Variants in CDC27 observed in about 807,000 individuals in gnomAD.
The protein encoded by CDC27 is cell division cycle protein 27 homolog.
A neutral mutation model predicts 109.7 loss-of-function variants in CDC27; 27 were observed. The ratio of observed to expected loss-of-function variants is 0.25; its 90% CI spans 0.18 to 0.34. The LOEUF is 0.34. Ranked by LOEUF, CDC27 falls within the 10% of genes least tolerant of loss-of-function variation. The pLI is 1.00. For synonymous variants in CDC27, 266 were observed against 333.9 expected (o/e 0.80, Z 2.22); for missense variants, 579 against 960.2 (o/e 0.60, Z 5.25).
At chr17:47,126,952 C>T (rs919136057) in intron 16 of CDC27, among the ~76,000 whole-genome samples, 1 of 152,074 alleles carries the variant, frequency 6.6e-6, no homozygotes, top group Admixed American at 6.6e-5. Flanking sequence ...CACCACCAGG[C>T]CCAGCTAATT....
At chr17:47,176,483 A>C (rs2064010605) in intron 2 of CDC27, among the ~76,000 whole-genome samples, 1 of 152,220 alleles carries the variant, frequency 6.6e-6, no homozygotes, top group Admixed American at 6.5e-5. Flanking sequence ...AACCACGCTT[A>C]GAGTAAAAAG....
chr17:47,134,785 CTTTTTTTTT>C (rs376654308), intron 14 of CDC27, among the ~76,000 whole-genome samples: 3 of 125,010 alleles, frequency 2.4e-5, no homozygotes, highest in African/African-American at 6.0e-5. Context: ...TAATTGTTTT[CTTTTTTTTT>C]TTTTTTTTTT....
At position 47,118,996 on chromosome 17, in the gene CDC27, C is replaced by T. The variant is rs2061931003; in HGVS notation, c.*1939G>A. On this transcript the variant is annotated 3_prime_UTR_variant, in exon 19 of 19. Transcript: ENST00000066544. The stretch of plus-strand genomic sequence containing the variant: ...CTACAAAAAGATAATTATACTTCAG[C>T]AAGTTATGTTCTAAGCTTAGCTTTC... The T allele has an allele frequency of 6.6e-6, 1 of 152,166 alleles. No individual in the cohort carries two copies. The highest frequency in any genetic ancestry group is 2.4e-5 in the African/African-American group (1 of 41,450). The allele number at this position is 152,166 out of a possible 1,614,324, so 9.4% of individuals were successfully genotyped here.
chr17:47,153,758 A>T (rs1172863158), intron 8 of CDC27, among the ~76,000 whole-genome samples: 1 of 152,082 alleles, frequency 6.6e-6, no homozygotes, highest in Non-Finnish European at 1.5e-5. Flanking sequence ...TTTGGCCTCT[A>T]TTTCCATATA....
Position 47,157,238 on chromosome 17 carries a change from C to T in CDC27, c.622G>A (p.Asp208Asn). ...PETVLTETPQDTIELNRLNLE... is the reference protein window; with the variant it reads ...PETVLTETPQNTIELNRLNLE... ...GAATATAAGACACTTACAATTGTGT[C>T]CTGGGGTGTTTCCGTAAGAACTGTC... The change falls in exon 6 of 19, where the codon GAC (aspartate) becomes AAC (asparagine). Residue 208 changes from aspartate to asparagine, a missense_variant. Physicochemically the swap from Asp to Asn is conservative, Grantham distance 23. Transcript: ENST00000066544. 6.2e-7 allele frequency: 1 copy of T among 1,610,462 alleles called. No individual in the cohort carries two copies. The highest frequency in any genetic ancestry group is 1.7e-5 in the Admixed American group (1 of 59,576).
intron 4 of CDC27, among the ~76,000 whole-genome samples, chr17:47,162,503 C>T (rs2063526446): frequency 6.6e-6 from 1 of 152,114 alleles, no homozygotes; most frequent in Non-Finnish European, 1.5e-5. Context: ...TAGCCCCGTC[C>T]CCTTGCTTTG....
Position 47,120,698 on chromosome 17 carries a change from C to T in CDC27, c.*237G>A. ...GAAAAACAGAAAAGAAAGTTCCCCA[C>T]CCTACCCCCCATAAATTGTCATTCA... is the stretch of plus-strand genomic sequence containing the variant. On this transcript the variant is annotated 3_prime_UTR_variant, in exon 19 of 19. Transcript: ENST00000066544. The T allele has an allele frequency of 4.9e-6, 2 of 404,068 alleles. No individual in the cohort carries two copies. Among genetic ancestry groups the T allele is most frequent in the Non-Finnish European group, 8.9e-6 (2 of 225,668 alleles). 25.0% of individuals were successfully genotyped at this position (404,068 alleles called of 1,614,324 possible).
chr17:47,130,384 A>G (rs1020876475), intron 15 of CDC27, among the ~76,000 whole-genome samples: 3 of 152,120 alleles, frequency 2.0e-5, no homozygotes, highest in Non-Finnish European at 4.4e-5. Context: ...AAAATAAAAA[A>G]AGAGAAAAAA....
At chr17:47,177,852 G>A (rs910981638) in intron 2 of CDC27, among the ~76,000 whole-genome samples, 1 of 136,632 alleles carries the variant, frequency 7.3e-6, no homozygotes, top group Admixed American at 7.4e-5. Flanking sequence ...TTTTATATGT[G>A]TGTGTACACA....
At chr17:47,122,408 T>C in intron 18 of CDC27, 36 bp downstream of exon 18, 1 of 1,424,186 alleles carries the variant, frequency 7.0e-7, no homozygotes, top group East Asian at 2.4e-5. Context: ...AAAAGGTAAC[T>C]TTCTAAATAC....
At chr17:47,132,465 G>C (rs1568372453) in intron 14 of CDC27, 91 bp from the exon 15 acceptor site, 1 of 537,034 alleles carries the variant, frequency 1.9e-6, no homozygotes, top group Non-Finnish European at 3.1e-6. Context: ...ATAGAATCTG[G>C]CATTTTAATA....
rs1325793175 is a variant in CDC27 at position 47,142,445 on chromosome 17, G to A, written c.1171-9C>T. 1 of 1,306,104 alleles carries A rather than the reference G, an allele frequency of 7.7e-7. No individual in the cohort carries two copies. Among genetic ancestry groups the A allele is most frequent in the Non-Finnish European group, 1.1e-6 (1 of 930,956 alleles). 80.9% of individuals were successfully genotyped at this position (1,306,104 alleles called of 1,614,324 possible). On this transcript the variant is annotated splice_polypyrimidine_tract_variant and intron_variant, in intron 10 of 18. Transcript: ENST00000066544. ...AATTTTTTGCTATTCTCCTGTAAAA[G>A]GGAAGAAATTTCACACCTGTTATAC...
chr17:47,123,934 CA>C lies in CDC27; in HGVS notation c.2186del (p.Leu729Ter). 1 of 1,602,732 alleles carries C rather than the reference CA, an allele frequency of 6.2e-7. No individual in the cohort carries two copies. Among genetic ancestry groups the C allele is most frequent in the Non-Finnish European group, 8.5e-7 (1 of 1,176,860 alleles). On this transcript the variant is annotated frameshift_variant, in exon 17 of 19. Coordinates refer to ENST00000066544, the MANE Select transcript of CDC27 (RefSeq NM_001256.6). LOFTEE classifies it high-confidence loss of function. Reference sequence around the variant, plus strand: ...GGGATTCTTTGGGAACAATTTGTTTCAATTCTTCAAGTTCTTGTAAAGCAGA... The same window carrying C: ...GGGATTCTTTGGGAACAATTTGTTTCATTCTTCAAGTTCTTGTAAAGCAGA... ...YKSALQELEELKQIVPKESLV... is the reference protein window; with the variant it reads ...YKSALQELEEXKQIVPKESLV...
At chr17:47,159,775 G>C in intron 4 of CDC27, 3 of 427,988 alleles carry the variant, frequency 7.0e-6, no homozygotes, top group South Asian at 5.5e-5. Flanking sequence ...GCTTGAGAGA[G>C]GCCCCCAGGA....
chr17:47,172,128 T>C (rs1002359254), intron 2 of CDC27, 64 bp from the exon 3 acceptor site: 1 of 1,111,926 alleles, frequency 9.0e-7, no homozygotes, highest in Non-Finnish European at 1.2e-6. Context: ...CAGTTTATCA[T>C]GCAATAAACA....
At chr17:47,154,623 A>C (rs773764699) in intron 8 of CDC27, 49 bp downstream of exon 8, 1 of 947,500 alleles carries the variant, frequency 1.1e-6, no homozygotes, top group South Asian at 1.5e-5. Context: ...GATTGAAATA[A>C]ACAAGTTGCT....
chr17:47,142,021 A>T lies in CDC27; in HGVS notation c.1383T>A (p.Gly461=). ...CCATTTCACGAAGAAGGCTCATCAAACCTTCTAGGAGAAAACAACATAGTA... is the reference window on the plus strand; with the variant it reads ...CCATTTCACGAAGAAGGCTCATCAATCCTTCTAGGAGAAAACAACATAGTA... ...AFNLQKAAAE[G]LMSLLREMGK... is the part of the protein sequence containing the mutation. The change falls in exon 12 of 19, where the codon GGT becomes GGA. Residue 461 remains glycine (G), a synonymous_variant. Coordinates refer to ENST00000066544, the MANE Select transcript of CDC27 (RefSeq NM_001256.6). 1 of 1,585,424 alleles carries T rather than the reference A, an allele frequency of 6.3e-7. No homozygotes were observed. The highest frequency in any genetic ancestry group is 1.7e-4 in the Middle Eastern group (1 of 5,968).
chr17:47,183,128 T>C (rs981639856), intron 1 of CDC27, among the ~76,000 whole-genome samples: 2 of 152,252 alleles, frequency 1.3e-5, no homozygotes, highest in East Asian at 1.9e-4. Flanking sequence ...TCAAATCATT[T>C]TTAGTAATAA....
rs562997210 is a variant in CDC27, at chr17:47,120,804, G to A, written c.*131C>T. On this transcript the variant is annotated 3_prime_UTR_variant, in exon 19 of 19. Transcript: ENST00000066544. ...TGTATACAGTCAGGGTCCAATGAAA[G>A]TGGCACACTCATGGTATAAGTGACG... 1.7e-5 allele frequency: 11 copies of A among 647,066 alleles called. No individual in the cohort carries two copies. In the East Asian group the frequency reaches 3.0e-4, roughly 18 times the overall value. The allele number at this position is 647,066 out of a possible 1,614,324, so 40.1% of individuals were successfully genotyped here. A position where few individuals can be genotyped will look rare whatever the true frequency, so the allele number is the denominator to read the frequency against.
Sources: gnomAD v4.1 joint callset for allele counts (sites outside exome capture counted in the v4.1 genomes callset) on GRCh38, gnomAD v4.1.1 for gene constraint, MANE v1.5 for transcripts, NCBI Gene and HGNC (gene_info 2026-07-23, HGNC 2026-07-21) for gene names.